Variants in HDAC9 observed in about 807,000 individuals in gnomAD.
The protein encoded by HDAC9 is MEF-2 interacting transcription repressor (MITR) protein.
Under a neutral mutation model 139.4 loss-of-function variants are expected in HDAC9, and 41 were observed. That is an observed-to-expected ratio of 0.29 (90% CI 0.23 to 0.38). HDAC9 has a LOEUF of 0.38. Among genes scored for constraint, HDAC9 ranks in the 10% least tolerant of loss-of-function variants. The probability of loss-of-function intolerance (pLI) is 1.00; values close to 1 mark genes in which losing one functional copy is unlikely to be tolerated. For missense variants in HDAC9, 1,147 were observed against 1,297.0 expected (o/e 0.88, Z 1.78); for synonymous variants, 517 against 476.2 (o/e 1.09, Z -1.12).
intron 23 of HDAC9, among the ~76,000 whole-genome samples, chr7:18,938,889 A>T (rs1245186631): frequency 6.6e-6 from 1 of 152,266 alleles, no homozygotes; most frequent in African/African-American, 2.4e-5. Flanking sequence ...TTAAAGTGTG[A>T]GACCTGTGCC....
chr7:18,207,819 A>G (rs1791646780), intron 2 of HDAC9, among the ~76,000 whole-genome samples: 1 of 151,754 alleles, frequency 6.6e-6, no homozygotes, highest in African/African-American at 2.4e-5. Flanking sequence ...GGTTCAAGCA[A>G]TTCTCCTGTC....
At chr7:18,131,285 T>G (rs1029327380) in intron 1 of HDAC9, among the ~76,000 whole-genome samples, 7 of 152,174 alleles carry the variant, frequency 4.6e-5, no homozygotes, top group Admixed American at 1.3e-4. Flanking sequence ...GATGATTCAG[T>G]GCCCAATATT....
intron 1 of HDAC9, among the ~76,000 whole-genome samples, chr7:18,149,033 G>A (rs1483915909): frequency 3.3e-5 from 5 of 152,130 alleles, no homozygotes; most frequent in African/African-American, 1.2e-4. Flanking sequence ...AATGGTGTGT[G>A]CATTTATACT....
chr7:18,899,482 A>G (rs908043784), intron 22 of HDAC9: 2 of 152,054 alleles, frequency 1.3e-5, no homozygotes, highest in Non-Finnish European at 2.9e-5. Flanking sequence ...TCGATTGCCA[A>G]TAGTAAGTTT....
rs78502813 is a variant in HDAC9, at chr7:18,538,574, G to T, written c.22+42250G>T. ...GAGCCTTAATTCCCTTGTGAAGTCA[G>T]GATGGTAATACTTGACTCATGTGTG... On this transcript the variant is annotated intron_variant, in intron 2 of 25. Coordinates refer to ENST00000686413, the MANE Select transcript of HDAC9 (RefSeq NM_178425.4). Among the ~76,000 whole-genome samples, 1,324 of 152,288 alleles carry T rather than the reference G, an allele frequency of 8.7e-3. 26 individuals carry two copies. The highest frequency in any genetic ancestry group is 0.03 in the African/African-American group (1,266 of 41,550).
intron 1 of HDAC9, among the ~76,000 whole-genome samples, chr7:18,408,314 A>G (rs558892186): frequency 2.0e-5 from 3 of 152,332 alleles, no homozygotes; most frequent in South Asian, 2.1e-4. Flanking sequence ...AAGGCACTCA[A>G]TGAAGGAAGA....
intron 1 of HDAC9, among the ~76,000 whole-genome samples, chr7:18,448,057 T>TCTCCAA (rs998128206): frequency 2.0e-5 from 3 of 152,074 alleles, no homozygotes; most frequent in East Asian, 1.9e-4. Context: ...GCCAGGCTGG[T>TCTCCAA]CTCCAACTCC....
rs528061047 is a variant in HDAC9 at position 18,556,206 on chromosome 7, G to A, written c.23-29075G>A. Among the ~76,000 whole-genome samples, 5 of 152,094 alleles carry A rather than the reference G, an allele frequency of 3.3e-5. 1 individual carries two copies. The highest frequency in any genetic ancestry group is 7.2e-5 in the African/African-American group (3 of 41,536). The stretch of plus-strand genomic sequence containing the variant: ...TTCGTGTTAGAAATATGTGTTGGGA[G>A]GGGTTTATATTGTGTGTTTATGTAA... On this transcript the variant is annotated intron_variant, in intron 2 of 25. Coordinates refer to ENST00000686413, the MANE Select transcript of HDAC9 (RefSeq NM_178425.4).
At chr7:18,474,201 A>G (rs1048229061) in intron 1 of HDAC9, among the ~76,000 whole-genome samples, 8 of 152,344 alleles carry the variant, frequency 5.3e-5, no homozygotes, top group South Asian at 4.1e-4. Context: ...AAAAACAACA[A>G]TGTGGCAAAA....
At chr7:18,168,783 T>G (rs1393587069) in intron 2 of HDAC9, among the ~76,000 whole-genome samples, 2 of 152,040 alleles carry the variant, frequency 1.3e-5, no homozygotes, top group African/African-American at 2.4e-5. Context: ...CATTTATAAT[T>G]CACTGCCTCT....
chr7:18,216,672 G>A (rs927483489), intron 2 of HDAC9, among the ~76,000 whole-genome samples: 1 of 152,058 alleles, frequency 6.6e-6, no homozygotes, highest in Non-Finnish European at 1.5e-5. Flanking sequence ...ACCATTCTGG[G>A]ATTTCTGATG....
intron 16 of HDAC9, among the ~76,000 whole-genome samples, chr7:18,782,583 G>T (rs1206172189): frequency 6.6e-6 from 1 of 152,040 alleles, no homozygotes; most frequent in African/African-American, 2.4e-5. Context: ...TCCATATGTG[G>T]CTAGAAAACA....
intron 24 of HDAC9, among the ~76,000 whole-genome samples, chr7:18,959,855 A>G (rs1018243018): frequency 6.6e-6 from 1 of 152,148 alleles, no homozygotes; most frequent in Non-Finnish European, 1.5e-5. Flanking sequence ...ATGCCAACCA[A>G]GGCAAAATGG....
intron 2 of HDAC9, among the ~76,000 whole-genome samples, chr7:18,198,844 G>A (rs1790903990): frequency 6.6e-6 from 1 of 152,126 alleles, no homozygotes; most frequent in Non-Finnish European, 1.5e-5. Flanking sequence ...AAAGGCATTA[G>A]ACTACTAGCA....
intron 12 of HDAC9, among the ~76,000 whole-genome samples, chr7:18,719,447 C>A (rs540873932): frequency 1.4e-5 from 2 of 139,964 alleles, no homozygotes; most frequent in South Asian, 4.8e-4. Flanking sequence ...TCAAACGATT[C>A]TCCTGCCTCA....
chr7:18,834,379 T>C (rs1037085458), intron 19 of HDAC9, among the ~76,000 whole-genome samples: 1 of 150,998 alleles, frequency 6.6e-6, no homozygotes, highest in Admixed American at 6.6e-5. Context: ...TTAATTGAGG[T>C]GTTTTTTTTT....
intron 16 of HDAC9, among the ~76,000 whole-genome samples, chr7:18,791,273 C>G (rs1312469516): frequency 6.6e-6 from 1 of 150,802 alleles, no homozygotes; most frequent in African/African-American, 2.5e-5. Context: ...TCTTGAGTCA[C>G]CGAATACATC....
At chr7:18,948,888 T>G (rs1214197627) in intron 23 of HDAC9, 2 of 242,924 alleles carry the variant, frequency 8.2e-6, no homozygotes, top group South Asian at 5.9e-5. Context: ...ACAAGCTGTT[T>G]AAACTATTAA....
At chr7:18,619,669 G>C (rs895819570) in intron 6 of HDAC9, among the ~76,000 whole-genome samples, 1 of 152,194 alleles carries the variant, frequency 6.6e-6, no homozygotes, top group Admixed American at 6.5e-5. Flanking sequence ...CCAGAAGAGA[G>C]AGGGAATTTG....
Sources: gnomAD v4.1 joint callset for allele counts (sites outside exome capture counted in the v4.1 genomes callset) on GRCh38, gnomAD v4.1.1 for gene constraint, MANE v1.5 for transcripts, NCBI Gene and HGNC (gene_info 2026-07-23, HGNC 2026-07-21) for gene names.